Variants in NLRP5 observed in about 807,000 individuals in gnomAD.
NLRP5 encodes NLR family pyrin domain containing 5, also known as NACHT, LRR and PYD domains-containing protein 5.
In NLRP5, 93 loss-of-function variants were observed where a neutral mutation model predicts 113.1. The ratio of observed to expected loss-of-function variants is 0.82; its 90% CI spans 0.70 to 0.98. NLRP5 has a LOEUF of 0.98. Ranked by LOEUF, NLRP5 falls within the 50% of genes least tolerant of loss-of-function variation. NLRP5 has a pLI of 0.00. For synonymous variants in NLRP5, 751 were observed against 600.7 expected (o/e 1.25, Z -3.66); for missense variants, 1,808 against 1,514.3 (o/e 1.19, Z -3.22).
intron 3 of NLRP5, among the ~76,000 whole-genome samples, chr19:56,009,488 C>G (rs181305000): frequency 3.3e-5 from 5 of 152,134 alleles, no homozygotes; most frequent in East Asian, 3.9e-4. Context: ...TGGAAAGAAT[C>G]AGATAGCATG....
At chr19:55,992,479 C>T in the NLRP5 span, among the ~76,000 whole-genome samples, 1 of 152,190 alleles carries the variant, frequency 6.6e-6, no homozygotes, top group Non-Finnish European at 1.5e-5. Context: ...ATTTACACTC[C>T]CACCAACAGT....
intron 6 of NLRP5, among the ~76,000 whole-genome samples, chr19:56,022,654 C>A (rs1037620150): frequency 6.6e-6 from 1 of 151,946 alleles, no homozygotes; most frequent in Non-Finnish European, 1.5e-5. Context: ...ACAAACACAA[C>A]CTTTTTTTCT....
chr19:56,053,562 A>C, intron 12 of NLRP5, 76 bp from the exon 13 acceptor site: 1 of 1,333,572 alleles, frequency 7.5e-7, no homozygotes, highest in Non-Finnish European at 1.0e-6. Flanking sequence ...AACTCCAGTT[A>C]ATGCTGCTGA....
At chr19:56,030,928 G>A (rs1983084625) in intron 7 of NLRP5, among the ~76,000 whole-genome samples, 1 of 151,702 alleles carries the variant, frequency 6.6e-6, no homozygotes, top group African/African-American at 2.4e-5. Flanking sequence ...TGGCCAGGCT[G>A]GTCTTGAACT....
chr19:55,991,535 G>A, the NLRP5 span, among the ~76,000 whole-genome samples: 3 of 151,530 alleles, frequency 2.0e-5, no homozygotes, highest in East Asian at 5.8e-4. Flanking sequence ...AAAACAGATA[G>A]CCACTTTTCT....
intron 12 of NLRP5, among the ~76,000 whole-genome samples, chr19:56,051,489 C>T (rs374807377): frequency 1.2e-4 from 19 of 152,130 alleles, no homozygotes; most frequent in East Asian, 9.7e-4. Context: ...CACTGCACCC[C>T]GCCAAGCACT....
At chr19:55,988,006 G>C in the NLRP5 span, 3 of 953,552 alleles carry the variant, frequency 3.1e-6, no homozygotes, top group South Asian at 4.1e-5. Context: ...ATGCATTAAC[G>C]TACTTTCCCC....
chr19:56,019,047 C>T (rs192618977), intron 4 of NLRP5, among the ~76,000 whole-genome samples: 4 of 152,258 alleles, frequency 2.6e-5, no homozygotes, highest in Admixed American at 6.5e-5. Context: ...CTGCCCGCCT[C>T]GGCCTCCCAA....
chr19:55,999,784 G>A lies in NLRP5; in HGVS notation c.59G>A (p.Arg20His), dbSNP rs768357894. 34 of 1,612,820 alleles carry A rather than the reference G, an allele frequency of 2.1e-5. No homozygotes were observed. Among genetic ancestry groups the A allele is most frequent in the Admixed American group, 1.0e-4 (6 of 59,978 alleles). Reference sequence around the variant, plus strand: ...GCTGCTCTGCTCTCAGCATCACCACGTGCGTCGACAGCCTCTTAGAGTTAC... The same window carrying A: ...GCTGCTCTGCTCTCAGCATCACCACATGCGTCGACAGCCTCTTAGAGTTAC... The change falls in exon 1 of 15, where the codon CGT (arginine) becomes CAT (histidine). Residue 20 changes from arginine to histidine, a missense_variant. Transcript: ENST00000390649.
chr19:56,000,635 A>G (rs559662665), intron 1 of NLRP5, among the ~76,000 whole-genome samples: 1 of 151,744 alleles, frequency 6.6e-6, no homozygotes, highest in Admixed American at 6.6e-5. Flanking sequence ...AAGTGCTGGG[A>G]TTACAGACGT....
At chr19:56,020,618 T>C (rs1982577512) in intron 6 of NLRP5, among the ~76,000 whole-genome samples, 187 bp downstream of exon 6, 1 of 151,784 alleles carries the variant, frequency 6.6e-6, no homozygotes, top group Non-Finnish European at 1.5e-5. Context: ...GCAAGTTCAC[T>C]GTGATTATCT....
chr19:56,031,852 T>C (rs922562399), intron 7 of NLRP5, among the ~76,000 whole-genome samples: 4 of 152,198 alleles, frequency 2.6e-5, no homozygotes. Context: ...TGAGCTATTA[T>C]GAAAATGCCA....
chr19:55,996,911 ACT>A (rs1981343428), upstream of NLRP5, among the ~76,000 whole-genome samples: 4 of 152,196 alleles, frequency 2.6e-5, no homozygotes, highest in Admixed American at 2.6e-4. Flanking sequence ...GAATCGCCAC[ACT>A]GACTTCCACA....
At chr19:56,037,976 G>A (rs1011588426) in intron 9 of NLRP5, 49 bp from the exon 10 acceptor site, 1 of 1,601,902 alleles carries the variant, frequency 6.2e-7, no homozygotes, top group Non-Finnish European at 8.5e-7. Context: ...GGGGAAATGG[G>A]CTGCTTTGGA....
chr19:56,029,158 T>C (rs900931827), intron 7 of NLRP5, among the ~76,000 whole-genome samples: 1 of 152,206 alleles, frequency 6.6e-6, no homozygotes. Context: ...ATATTCCATG[T>C]GCCTTGTCCA....
chr19:56,008,990 G>T (rs546507392), intron 3 of NLRP5, 137 bp downstream of exon 3: 4 of 753,984 alleles, frequency 5.3e-6, no homozygotes, highest in African/African-American at 1.7e-5. Flanking sequence ...TTAGCTGACC[G>T]GATGGGTTCT....
rs138948331 is a variant in NLRP5, at chr19:56,038,797, CT to C, written c.2786+603del. On this transcript the variant is annotated intron_variant, in intron 10 of 14. Transcript: ENST00000390649. ...CGCAGGGGGCAGCAGTTCTGCACCC[CT>C]AACACCTAAAGGGATATCACTTCTT... Among the ~76,000 whole-genome samples the C allele has an allele frequency of 1.9e-3, 283 of 152,282 alleles. 2 individuals are homozygous for C. The highest frequency in any genetic ancestry group is 3.1e-3 in the South Asian group (15 of 4,824).
At position 56,014,039 on chromosome 19, in the gene NLRP5, G is replaced by A. The variant is rs180903746; in HGVS notation, c.509-1703G>A. On this transcript the variant is annotated intron_variant, in intron 3 of 14. Transcript: ENST00000390649. Reference sequence around the variant, plus strand: ...ACTTAGGTTTTATCATCTAGATTATGTAGAGACATAATTTTATATATTCCC... The same window carrying A: ...ACTTAGGTTTTATCATCTAGATTATATAGAGACATAATTTTATATATTCCC... Among the ~76,000 whole-genome samples, 162 of 152,200 alleles carry A rather than the reference G, an allele frequency of 1.1e-3. 1 individual carries two copies. Among genetic ancestry groups the A allele is most frequent in the Admixed American group, 1.0e-3 (16 of 15,274 alleles).
chr19:56,008,092 C>A (rs1438025320), intron 2 of NLRP5, among the ~76,000 whole-genome samples: 1 of 142,538 alleles, frequency 7.0e-6, no homozygotes, highest in Non-Finnish European at 1.6e-5. Context: ...CCACGCCCGG[C>A]TAATTTTTTG....
Sources: allele counts gnomAD v4.1 joint callset (sites outside exome capture counted in the v4.1 genomes callset), GRCh38; gene constraint gnomAD v4.1.1; transcripts MANE v1.5; gene names NCBI Gene and HGNC (gene_info 2026-07-23, HGNC 2026-07-21).